Variants in HMX1 observed in about 807,000 individuals in gnomAD.
HMX1 encodes homeobox protein HMX1.
HMX1 carries 8 observed loss-of-function variants against 8.9 expected under a neutral mutation model. The observed-to-expected ratio is 0.90, with a 90% CI of 0.53 to 1.63. The LOEUF is 1.63. Ranked by LOEUF, HMX1 falls within the 40% of genes most tolerant of loss-of-function variation. HMX1 has a pLI of 0.00. For synonymous variants in HMX1, 311 were observed against 283.4 expected, an observed-to-expected ratio of 1.10 and a Z score of -0.98; for missense variants, 621 against 558.5, an observed-to-expected ratio of 1.11 and a Z score of -1.13.
rs1397306867 is a variant in HMX1, at chr4:8,868,046, C to T, written c.694G>A (p.Glu232Lys). ...AGGGAGGCGGCCAGGCCGGCGCGCT[C>T]GGCGCTGCTCAGGTAGCGCTTCAGG... ...FDLKRYLSSA[E>K]RAGLAASLQL... Residue 232 changes from glutamate (E) to lysine (K), a missense_variant, in exon 2 of 2, where the codon GAG (glutamate) becomes AAG (lysine). Glu to Lys is a moderately conservative substitution (Grantham distance 56). Coordinates refer to ENST00000400677, the MANE Select transcript of HMX1 (RefSeq NM_018942.3). The surrounding 1 kb of genome is among the most constrained non-coding windows in gnomAD (Gnocchi z 4.6). 2.0e-6 allele frequency: 3 copies of T among 1,535,316 alleles called. No individual in the cohort carries two copies. The highest frequency in any genetic ancestry group is 2.6e-6 in the Non-Finnish European group (3 of 1,143,122).
At chr4:8,865,363 G>A (rs1016230777), downstream of HMX1, among the ~76,000 whole-genome samples, 3 of 152,278 alleles carry the variant, frequency 2.0e-5, no homozygotes, top group East Asian at 1.9e-4. Context: ...GCGAGTGCCC[G>A]AGGCCTCGCC....
chr4:8,867,878 C>T lies in HMX1; in HGVS notation c.862G>A (p.Glu288Lys). The T allele has an allele frequency of 3.1e-6, 4 of 1,284,570 alleles. No individual in the cohort carries two copies. Among genetic ancestry groups the T allele is most frequent in the Non-Finnish European group, 3.9e-6 (4 of 1,017,202 alleles). The allele number at this position is 1,284,570 out of a possible 1,614,324, so 79.6% of individuals were successfully genotyped here. A position where few individuals can be genotyped will look rare whatever the true frequency, so the allele number is the denominator to read the frequency against. The change falls in exon 2 of 2, where the codon GAA (glutamate) becomes AAA (lysine). Residue 288 changes from glutamate (E) to lysine (K), a missense_variant. By Grantham distance (56) the Glu-to-Lys change is moderately conservative. Coordinates refer to ENST00000400677, the MANE Select transcript of HMX1 (RefSeq NM_018942.3). ...GCGGCGGCTGCGGCCGGGGGGCTTT[C>T]GTGGTAGAGCACCGGCACGCGGACC... is the stretch of plus-strand genomic sequence containing the variant. Reference protein sequence around the residue: ...RLVRVPVLYHESPPAAAAAGP... With the variant: ...RLVRVPVLYHKSPPAAAAAGP...
chr4:8,870,983 A>G lies in HMX1; in HGVS notation c.394+238T>C, dbSNP rs527480147. ...TCCCTGGGACCGGAGGAGCCCGGCA[A>G]TGGGTGAAGCTATGGCCTGCAAAAC... On this transcript the variant is annotated intron_variant, in intron 1 of 1. Transcript: ENST00000400677. The surrounding 1 kb of genome is among the most constrained non-coding windows in gnomAD (Gnocchi z 4.4). Among the ~76,000 whole-genome samples the G allele has an allele frequency of 1.4e-4, 22 of 151,792 alleles. No homozygotes were observed. Among genetic ancestry groups the G allele is most frequent in the African/African-American group, 5.3e-4 (22 of 41,424 alleles).
intron 1 of HMX1, among the ~76,000 whole-genome samples, chr4:8,856,330 C>T (rs879746047): frequency 2.0e-5 from 3 of 152,178 alleles, no homozygotes; most frequent in African/African-American, 7.2e-5. Flanking sequence ...GCAGAAAGAG[C>T]TGGCGGGGTT....
At chr4:8,851,151 T>G (rs756714476) in intron 1 of HMX1, among the ~76,000 whole-genome samples, 5 of 152,226 alleles carry the variant, frequency 3.3e-5, no homozygotes, top group African/African-American at 4.8e-5. Context: ...CCAGACCCCG[T>G]GTGTCTGACT....
chr4:8,854,660 CA>C (rs1721556068), intron 1 of HMX1, among the ~76,000 whole-genome samples: 1 of 152,242 alleles, frequency 6.6e-6, no homozygotes, highest in South Asian at 2.1e-4. Flanking sequence ...ACGCTCATGC[CA>C]GAGAATTTCT....
At chr4:8,851,473 G>A (rs1054248532) in intron 1 of HMX1, among the ~76,000 whole-genome samples, 1 of 152,200 alleles carries the variant, frequency 6.6e-6, no homozygotes, top group Non-Finnish European at 1.5e-5. Context: ...CTCCTAGGAG[G>A]TCTCATGGTT....
intron 1 of HMX1, among the ~76,000 whole-genome samples, chr4:8,851,761 C>T (rs1721455134): frequency 6.6e-6 from 1 of 152,254 alleles, no homozygotes; most frequent in African/African-American, 2.4e-5. Context: ...AAGTCTAACC[C>T]CCAAGTCCAA....
chr4:8,859,515 G>A (rs1721725678), intron 1 of HMX1, among the ~76,000 whole-genome samples: 2 of 152,316 alleles, frequency 1.3e-5, no homozygotes, highest in Admixed American at 1.3e-4. Context: ...AGACCCCCAT[G>A]TGGAGAGCCC....
At chr4:8,864,574 C>T (rs1202643072), downstream of HMX1, among the ~76,000 whole-genome samples, 4 of 152,202 alleles carry the variant, frequency 2.6e-5, no homozygotes, top group African/African-American at 9.6e-5. Flanking sequence ...CCAGGCGTAC[C>T]CCCTGCTTGC....
Position 8,868,891 on chromosome 4 carries a change from C to T in HMX1, c.395-546G>A, listed in dbSNP as rs990997421. On this transcript the variant is annotated intron_variant, in intron 1 of 1. Transcript: ENST00000400677. The surrounding 1 kb of genome is among the most constrained non-coding windows in gnomAD (Gnocchi z 4.6). Reference sequence around the variant, plus strand: ...TGAAGAGTTCACAGGCCTCTTCCCGCGCCCTCTGCCCGCTTGCACAGAAAC... The same window carrying T: ...TGAAGAGTTCACAGGCCTCTTCCCGTGCCCTCTGCCCGCTTGCACAGAAAC... 2.0e-5 allele frequency among the ~76,000 whole-genome samples: 3 copies of T among 152,150 alleles called. No homozygotes were observed. The highest frequency in any genetic ancestry group is 4.8e-5 in the African/African-American group (2 of 41,432).
Position 8,867,173 on chromosome 4 carries a change from C to A in HMX1, c.*520G>T, listed in dbSNP as rs368330444. ...CTGCTCCTGGAACGGACGATGGGAC[C>A]CACAGGTCCAGGGTCCTTTCTCCAC... On this transcript the variant is annotated 3_prime_UTR_variant, in exon 2 of 2. Transcript: ENST00000400677. 1.0e-6 allele frequency: 1 copy of A among 985,508 alleles called. No homozygotes were observed. 61.0% of individuals were successfully genotyped at this position (985,508 alleles called of 1,614,324 possible).
intron 1 of HMX1, among the ~76,000 whole-genome samples, chr4:8,854,941 C>T (rs1721563466): frequency 6.6e-6 from 1 of 152,338 alleles, no homozygotes; most frequent in South Asian, 2.1e-4. Context: ...GGAATCCTAG[C>T]ACATGAGAAG....
intron 1 of HMX1, among the ~76,000 whole-genome samples, chr4:8,859,676 C>T (rs1324405855): frequency 6.6e-6 from 1 of 152,212 alleles, no homozygotes; most frequent in Admixed American, 6.5e-5. Flanking sequence ...GAAATGGGGA[C>T]AGAGTCTCTG....
chr4:8,861,935 A>C (rs1267572790), intron 1 of HMX1, among the ~76,000 whole-genome samples: 2 of 152,254 alleles, frequency 1.3e-5, no homozygotes, highest in African/African-American at 2.4e-5. Context: ...ACTGCAGCGA[A>C]GTCGGAACCA....
rs913728525 is a variant in HMX1 at position 8,870,897 on chromosome 4, C to T, written c.394+324G>A. Among the ~76,000 whole-genome samples, 2 of 151,174 alleles carry T rather than the reference C, an allele frequency of 1.3e-5. 1 individual carries two copies. ...CTTTCGCCTTCTCCTGTATCTTTCC[C>T]TATCCTCTTTCACTCTCCTTTCTTT... On this transcript the variant is annotated intron_variant, in intron 1 of 1. Transcript: ENST00000400677. This position sits in a 1 kb window ranked among gnomAD's most constrained non-coding sequence, Gnocchi z 4.4.
At position 8,867,082 on chromosome 4, in the gene HMX1, TA is replaced by T; in HGVS notation, c.*610del. On this transcript the variant is annotated 3_prime_UTR_variant, in exon 2 of 2. Coordinates refer to ENST00000400677, the MANE Select transcript of HMX1 (RefSeq NM_018942.3). ...TGTCCCTTTTTATTCCATACGCAAATAAGTAGATTCATTTAAAAAAACAACA... is the reference window on the plus strand; with the variant it reads ...TGTCCCTTTTTATTCCATACGCAAATAGTAGATTCATTTAAAAAAACAACA... 1 of 985,194 alleles carries T rather than the reference TA, an allele frequency of 1.0e-6. No individual in the cohort carries two copies. The highest frequency in any genetic ancestry group is 1.2e-6 in the Non-Finnish European group (1 of 829,858). The allele number at this position is 985,194 out of a possible 1,614,324, so 61.0% of individuals were successfully genotyped here. A position where few individuals can be genotyped will look rare whatever the true frequency, so the allele number is the denominator to read the frequency against.
At chr4:8,869,906 A>C (rs756330348) in intron 1 of HMX1, among the ~76,000 whole-genome samples, 3 of 152,120 alleles carry the variant, frequency 2.0e-5, no homozygotes, top group Non-Finnish European at 4.4e-5. Context: ...CACCCTGAGA[A>C]ACCCTTTCCA....
At position 8,847,691 on chromosome 4, in the gene HMX1, G is replaced by T. The variant is rs1478366192; in HGVS notation, c.395-1367C>A. Among the ~76,000 whole-genome samples, 1 of 152,224 alleles carries T rather than the reference G, an allele frequency of 6.6e-6. No homozygotes were observed. Among genetic ancestry groups the T allele is most frequent in the Non-Finnish European group, 1.5e-5 (1 of 68,048 alleles). ...CTAGCAGTGCCCAGATTTGAACCTG[G>T]AGCTGTGGTCTTTCCAGTATATGAG... On this transcript the variant is annotated intron_variant, in intron 1 of 1. Coordinates refer to the HMX1 transcript ENST00000506970. This position sits in a 1 kb window ranked among gnomAD's most constrained non-coding sequence, Gnocchi z 6.0.
Sources: allele counts gnomAD v4.1 joint callset (sites outside exome capture counted in the v4.1 genomes callset), GRCh38; gene constraint gnomAD v4.1.1; non-coding constraint Gnocchi (gnomAD v3.1); transcripts MANE v1.5; gene names NCBI Gene and HGNC (gene_info 2026-07-23, HGNC 2026-07-21).